ISOC1: variants seen among roughly 807,000 people sequenced by gnomAD.
ISOC1 encodes the protein isochorismatase domain containing 1.
A neutral mutation model predicts 30.0 loss-of-function variants in ISOC1; 33 were observed. The observed-to-expected ratio is 1.10, with a 90% CI of 0.83 to 1.47. The LOEUF (loss-of-function observed/expected upper bound fraction) is 1.47, where lower values mean the gene tolerates loss of function less well. Among genes scored for constraint, ISOC1 ranks in the 40% most tolerant of loss-of-function variants. The pLI is 0.00. For synonymous variants in ISOC1, 178 were observed against 159.8 expected (o/e 1.11, Z -0.86); for missense variants, 372 against 388.0 (o/e 0.96, Z 0.35).
intron 4 of ISOC1, 78 bp downstream of exon 4, chr5:129,107,140 A>G (rs1384336294): frequency 8.4e-7 from 1 of 1,189,094 alleles, no homozygotes; most frequent in African/African-American, 1.5e-5. Flanking sequence ...TTTAACAGTA[A>G]TGAAAGGTTT....
At chr5:129,097,529 G>C (rs1429908743) in intron 1 of ISOC1, among the ~76,000 whole-genome samples, 1 of 152,150 alleles carries the variant, frequency 6.6e-6, no homozygotes, top group African/African-American at 2.4e-5. Context: ...AGACCATACA[G>C]TTCATTCCAC....
intron 4 of ISOC1, among the ~76,000 whole-genome samples, chr5:129,108,080 T>G (rs1156861592): frequency 6.6e-6 from 1 of 152,248 alleles, no homozygotes; most frequent in Non-Finnish European, 1.5e-5. Context: ...TTTAACTGTT[T>G]ATTGAGAATG....
chr5:129,107,315 G>T (rs536278005), intron 4 of ISOC1, among the ~76,000 whole-genome samples: 27 of 152,114 alleles, frequency 1.8e-4, no homozygotes, highest in African/African-American at 6.3e-4. Context: ...TTCGTCATAC[G>T]TTTGCCCTAG....
intron 4 of ISOC1, among the ~76,000 whole-genome samples, chr5:129,107,461 A>G (rs1462347283): frequency 6.6e-6 from 1 of 152,220 alleles, no homozygotes; most frequent in Non-Finnish European, 1.5e-5. Context: ...CCAGTTTAAT[A>G]TATAGTGGAC....
intron 3 of ISOC1, among the ~76,000 whole-genome samples, chr5:129,105,992 C>A (rs1285813346): frequency 3.9e-5 from 6 of 152,054 alleles, no homozygotes; most frequent in African/African-American, 1.4e-4. Flanking sequence ...GTGATTATGA[C>A]AATTTGAAGG....
In ISOC1 at chr5:129,095,176, C is replaced by T. The variant is rs1379535709; in HGVS notation, c.309+101C>T. On this transcript the variant is annotated intron_variant, in intron 1 of 4. Transcript: ENST00000173527. ...GCGCTCCTCAGGTGCCCCGAGCCGC[C>T]CGGGACCCGGGCCCTGCGCGAGTGG... 12 of 1,189,880 alleles carry T rather than the reference C, an allele frequency of 1.0e-5. 1 individual carries two copies. The highest frequency in any genetic ancestry group is 5.8e-4 in the Middle Eastern group (2 of 3,430). 73.7% of individuals were successfully genotyped at this position (1,189,880 alleles called of 1,614,324 possible).
chr5:129,094,894 A>G lies in ISOC1; in HGVS notation c.128A>G (p.His43Arg), dbSNP rs767815851. 4.3e-6 allele frequency: 7 copies of G among 1,610,142 alleles called. No individual in the cohort carries two copies. The highest frequency in any genetic ancestry group is 3.3e-5 in the South Asian group (3 of 90,318). Reference sequence around the variant, plus strand: ...TTCGCGCGACCCTCGTCGGTGCCACACGGGGCGGGCTACGAGCTGCTCATC... The same window carrying G: ...TTCGCGCGACCCTCGTCGGTGCCACGCGGGGCGGGCTACGAGCTGCTCATC... Reference protein sequence around the residue: ...SVFARPSSVPHGAGYELLIQK... With the variant: ...SVFARPSSVPRGAGYELLIQK... Residue 43 changes from histidine (H) to arginine (R), a missense_variant, in exon 1 of 5, where the codon CAC becomes CGC. Physicochemically the swap from His to Arg is conservative, Grantham distance 29. Transcript: ENST00000173527.
rs767999321 is a variant in ISOC1, at chr5:129,113,529, G to A, written c.*528G>A. ...CCTCACAATGTTGTCCACTTAGTGA[G>A]TTGCATTGATCTATCCGTACCAAAT... On this transcript the variant is annotated 3_prime_UTR_variant, in exon 5 of 5. Coordinates refer to ENST00000173527, the MANE Select transcript of ISOC1 (RefSeq NM_016048.2). The A allele has an allele frequency of 6.6e-6, 1 of 152,648 alleles. No individual in the cohort carries two copies. Among genetic ancestry groups the A allele is most frequent in the African/African-American group, 2.4e-5 (1 of 41,450 alleles). 9.5% of individuals were successfully genotyped at this position (152,648 alleles called of 1,614,324 possible).
chr5:129,095,472 A>G (rs1753484913), intron 1 of ISOC1, among the ~76,000 whole-genome samples: 2 of 152,082 alleles, frequency 1.3e-5, no homozygotes, highest in African/African-American at 2.4e-5. Flanking sequence ...AATGGGGGGA[A>G]ATGAGATTGT....
chr5:129,098,500 A>G (rs1561421117), intron 1 of ISOC1, among the ~76,000 whole-genome samples: 1 of 152,166 alleles, frequency 6.6e-6, no homozygotes, highest in East Asian at 1.9e-4. Context: ...TTCAAAAGGT[A>G]TTTTGTAAGT....
At chr5:129,104,892 C>G in intron 1 of ISOC1, 64 bp from the exon 2 acceptor site, 1 of 1,532,828 alleles carries the variant, frequency 6.5e-7, no homozygotes, top group Non-Finnish European at 8.9e-7. Context: ...CTTTATTGAC[C>G]TCCACTGAAA....
At chr5:129,095,577 C>A (rs1397454258) in intron 1 of ISOC1, among the ~76,000 whole-genome samples, 2 of 152,208 alleles carry the variant, frequency 1.3e-5, no homozygotes, top group Non-Finnish European at 2.9e-5. Flanking sequence ...CCCCGCCTTC[C>A]CAGGCTCTCA....
chr5:129,101,192 A>AAAAAAAAAAAAAAAAATAT (rs1554064627), intron 1 of ISOC1, among the ~76,000 whole-genome samples: 1 of 42,240 alleles, frequency 2.4e-5, no homozygotes, highest in Non-Finnish European at 3.6e-5. Context: ...AAAAAAAAAA[A>AAAAAAAAAAAAAAAAATAT]ATATATATAT....
At chr5:129,098,964 C>T (rs532841593) in intron 1 of ISOC1, among the ~76,000 whole-genome samples, 1 of 152,130 alleles carries the variant, frequency 6.6e-6, no homozygotes, top group Admixed American at 6.5e-5. Context: ...ATTACAAAAC[C>T]TTTGCCTCAG....
At chr5:129,111,355 A>G (rs1052911617) in intron 4 of ISOC1, among the ~76,000 whole-genome samples, 6 of 152,006 alleles carry the variant, frequency 3.9e-5, no homozygotes, top group Admixed American at 1.3e-4. Context: ...ACTGGTCATT[A>G]AGGTCCAAGC....
intron 4 of ISOC1, 97 bp from the exon 5 acceptor site, chr5:129,112,758 G>A: frequency 7.5e-7 from 1 of 1,337,058 alleles, no homozygotes; most frequent in Non-Finnish European, 1.0e-6. Flanking sequence ...TTTCAGTAGA[G>A]GACACTAATT....
rs1444779936 is a variant in ISOC1, at chr5:129,094,823, G to C, written c.57G>C (p.Ala19=). The C allele has an allele frequency of 1.3e-6, 2 of 1,541,880 alleles. No individual in the cohort carries two copies. Among genetic ancestry groups the C allele is most frequent in the Admixed American group, 2.0e-5 (1 of 50,538 alleles). ...TCCCCAACAGCGGCGCCGGGGGCGC[G>C]GGGGCGCCGTCGGGCACAGTCCCGG... ...LALPNSGAGG[A]GAPSGTVPVL... is the part of the protein sequence containing the mutation. Residue 19 remains alanine (A), a synonymous_variant, in exon 1 of 5, where the codon GCG becomes GCC. Coordinates refer to ENST00000173527, the MANE Select transcript of ISOC1 (RefSeq NM_016048.2).
Position 129,101,315 on chromosome 5 carries a change from G to A in ISOC1, c.310-3641G>A, listed in dbSNP as rs1753569853. On this transcript the variant is annotated intron_variant, in intron 1 of 4. Transcript: ENST00000173527. ...ATTCAAGACCAGCCTGGGCAACATG[G>A]TGAAACCCCATCTCTATTAGCAGTA... 4.6e-5 allele frequency among the ~76,000 whole-genome samples: 7 copies of A among 151,122 alleles called. 2 individuals are homozygous for A. In the South Asian group the frequency reaches 1.5e-3, roughly 32 times the overall value.
intron 1 of ISOC1, among the ~76,000 whole-genome samples, chr5:129,099,629 TTAACA>T (rs1454210094): frequency 5.9e-5 from 9 of 152,222 alleles, no homozygotes; most frequent in African/African-American, 2.2e-4. Flanking sequence ...GCATATTATG[TTAACA>T]TAACAAGTTA....
Sources: gnomAD v4.1 joint callset for allele counts (sites outside exome capture counted in the v4.1 genomes callset) on GRCh38, gnomAD v4.1.1 for gene constraint, MANE v1.5 for transcripts, NCBI Gene and HGNC (gene_info 2026-07-23, HGNC 2026-07-21) for gene names.